NRG3: variants seen among roughly 807,000 people sequenced by gnomAD.
NRG3 encodes neuregulin 3.
Under a neutral mutation model 66.9 loss-of-function variants are expected in NRG3, and 31 were observed. That is an observed-to-expected ratio of 0.46 (90% confidence interval 0.35 to 0.63). The LOEUF is 0.63. Ranked by LOEUF, NRG3 falls within the 20% of genes least tolerant of loss-of-function variation. The probability of loss-of-function intolerance (pLI) is 0.00; values close to 1 mark genes in which losing one functional copy is unlikely to be tolerated. For synonymous variants in NRG3, 393 were observed against 359.4 expected (o/e 1.09, Z -1.06); for missense variants, 910 against 878.9 (o/e 1.04, Z -0.45).
At position 82,192,541 on chromosome 10, in the gene NRG3, C is replaced by T. The variant is rs138340564; in HGVS notation, c.824-166198C>T. Among the ~76,000 whole-genome samples the T allele has an allele frequency of 1.5e-3, 222 of 152,260 alleles. 2 individuals carry two copies. Among genetic ancestry groups the T allele is most frequent in the Middle Eastern group, 6.8e-3 (2 of 294 alleles). On this transcript the variant is annotated intron_variant, in intron 1 of 8. Coordinates refer to ENST00000372141, the MANE Select transcript of NRG3 (RefSeq NM_001010848.4). The stretch of plus-strand genomic sequence containing the variant: ...CCTAAATTGAGCTGACCTGTGGACA[C>T]ATTTGGTGTAAACTCCAGGTAAAAA...
At chr10:82,923,969 G>T (rs570535302) in intron 4 of NRG3, among the ~76,000 whole-genome samples, 28 of 151,594 alleles carry the variant, frequency 1.8e-4, no homozygotes, top group Admixed American at 5.9e-4. Context: ...ATGGTGGCAG[G>T]CACCTGTCAT....
intron 2 of NRG3, among the ~76,000 whole-genome samples, chr10:82,644,984 A>C (rs540295398): frequency 1.3e-5 from 2 of 152,270 alleles, no homozygotes; most frequent in East Asian, 3.9e-4. Flanking sequence ...TAATGCCTGC[A>C]TGTTTTTCTG....
intron 3 of NRG3, among the ~76,000 whole-genome samples, chr10:82,769,767 A>G (rs1226123041): frequency 2.6e-5 from 4 of 152,052 alleles, no homozygotes; most frequent in African/African-American, 7.2e-5. Context: ...TTCTTCCTAC[A>G]TATCTTTTTT....
At chr10:82,022,844 A>T (rs947712870) in intron 1 of NRG3, among the ~76,000 whole-genome samples, 1 of 151,802 alleles carries the variant, frequency 6.6e-6, no homozygotes, top group East Asian at 1.9e-4. Flanking sequence ...TAGTGAATAC[A>T]GGTTGAAATG....
At chr10:82,054,801 T>G (rs2133170960) in intron 1 of NRG3, among the ~76,000 whole-genome samples, 1 of 151,748 alleles carries the variant, frequency 6.6e-6, no homozygotes, top group South Asian at 2.1e-4. Flanking sequence ...AGCCCACGAG[T>G]TAGAGACCAG....
chr10:82,775,413 T>C (rs2059877598), intron 3 of NRG3, among the ~76,000 whole-genome samples: 1 of 152,128 alleles, frequency 6.6e-6, no homozygotes, highest in Admixed American at 6.6e-5. Flanking sequence ...TATTTGTGAA[T>C]TTACCAAGAT....
At chr10:82,702,909 A>G (rs1423563813) in intron 2 of NRG3, among the ~76,000 whole-genome samples, 1 of 152,136 alleles carries the variant, frequency 6.6e-6, no homozygotes, top group African/African-American at 2.4e-5. Context: ...CCGAGAAAAA[A>G]GTTAAGAAAA....
chr10:81,975,401 A>C (rs765890878), intron 1 of NRG3, among the ~76,000 whole-genome samples: 2 of 151,778 alleles, frequency 1.3e-5, no homozygotes, highest in African/African-American at 4.8e-5. Context: ...ATCCCATGGT[A>C]ATGCATGACA....
At chr10:82,222,043 C>T (rs1308497163) in intron 1 of NRG3, among the ~76,000 whole-genome samples, 1 of 151,794 alleles carries the variant, frequency 6.6e-6, no homozygotes, top group Non-Finnish European at 1.5e-5. Context: ...TAAGTGTTAC[C>T]TTTTTCTGTG....
chr10:81,941,289 G>A (rs973994625), intron 1 of NRG3, among the ~76,000 whole-genome samples: 27 of 151,894 alleles, frequency 1.8e-4, no homozygotes, highest in African/African-American at 6.3e-4. Flanking sequence ...TAAAAATTGT[G>A]TTTAGTAATC....
intron 1 of NRG3, among the ~76,000 whole-genome samples, chr10:82,195,082 A>G (rs544914234): frequency 1.3e-5 from 2 of 149,846 alleles, no homozygotes; most frequent in Admixed American, 1.3e-4. Flanking sequence ...GAGCAAAAAG[A>G]TAGTGGCCTC....
intron 2 of NRG3, among the ~76,000 whole-genome samples, chr10:82,528,243 A>G (rs1846914267): frequency 6.6e-6 from 1 of 152,174 alleles, no homozygotes; most frequent in African/African-American, 2.4e-5. Context: ...AAGAGAGGAC[A>G]TGAGGAGGTA....
chr10:81,903,000 C>G (rs951686734), intron 1 of NRG3, among the ~76,000 whole-genome samples: 2 of 150,298 alleles, frequency 1.3e-5, no homozygotes, highest in African/African-American at 4.8e-5. Context: ...CTCCATTTCA[C>G]TGAAAAAAAA....
At chr10:82,259,030 G>A (rs1589498862) in intron 1 of NRG3, among the ~76,000 whole-genome samples, 1 of 152,164 alleles carries the variant, frequency 6.6e-6, no homozygotes, top group East Asian at 1.9e-4. Flanking sequence ...TGAAAGTTGG[G>A]TGCTGGGTGT....
chr10:81,978,227 G>A (rs911747308), intron 1 of NRG3, among the ~76,000 whole-genome samples: 5 of 152,036 alleles, frequency 3.3e-5, no homozygotes, highest in African/African-American at 7.2e-5. Context: ...AAGAAAATAC[G>A]GATATATGGA....
intron 3 of NRG3, among the ~76,000 whole-genome samples, chr10:82,750,222 C>T (rs975566172): frequency 1.3e-5 from 2 of 152,166 alleles, no homozygotes; most frequent in African/African-American, 4.8e-5. Flanking sequence ...GTAACACGCC[C>T]ATGATCCTCC....
At chr10:82,552,712 A>G (rs2044395164) in intron 2 of NRG3, among the ~76,000 whole-genome samples, 1 of 152,150 alleles carries the variant, frequency 6.6e-6, no homozygotes, top group Admixed American at 6.6e-5. Context: ...TTTAATTTTC[A>G]GATTTAGTTT....
chr10:81,879,807 C>G (rs1179839890), intron 1 of NRG3, among the ~76,000 whole-genome samples: 1 of 152,168 alleles, frequency 6.6e-6, no homozygotes, highest in East Asian at 1.9e-4. Context: ...TTTTCAACAT[C>G]TTCATTCCTT....
At chr10:82,804,140 G>T (rs1367305649) in intron 3 of NRG3, among the ~76,000 whole-genome samples, 7 of 152,106 alleles carry the variant, frequency 4.6e-5, no homozygotes, top group African/African-American at 1.7e-4. Flanking sequence ...GCCCCAAAGT[G>T]CAAGAGTGGT....
Sources: gnomAD v4.1 joint callset for allele counts (sites outside exome capture counted in the v4.1 genomes callset) on GRCh38, gnomAD v4.1.1 for gene constraint, MANE v1.5 for transcripts, NCBI Gene and HGNC (gene_info 2026-07-23, HGNC 2026-07-21) for gene names.